AFF2: variants seen among roughly 807,000 people sequenced by gnomAD.
AFF2 encodes the protein AF4/FMR2 family member 2.
AFF2 carries 14 observed loss-of-function variants against 76.9 expected under a neutral mutation model. That is an observed-to-expected ratio of 0.18 (90% CI 0.12 to 0.28). The LOEUF is 0.28. AFF2 is among the 10% of genes least tolerant of loss of function. The pLI is 1.00. For synonymous variants in AFF2, 398 were observed against 366.7 expected (o/e 1.09, Z -0.98); for missense variants, 868 against 1,001.1 (o/e 0.87, Z 1.79).
chrX:148,905,616 T>C (rs944688810), intron 9 of AFF2, among the ~76,000 whole-genome samples: 2 of 112,370 alleles, frequency 1.8e-5, no homozygotes, highest in Non-Finnish European at 3.8e-5. Flanking sequence ...TCCGCCTGCA[T>C]GCAGATGTGT....
At position 148,790,685 on chromosome X, in the gene AFF2, T is replaced by C. The variant is rs781898044; in HGVS notation, c.1042-19191T>C. On this transcript the variant is annotated intron_variant, in intron 3 of 20. Coordinates refer to ENST00000370460, the MANE Select transcript of AFF2 (RefSeq NM_002025.4). ...GGGGAACAACACTCACTGGGGCCTGTTGGGGGTGGGGTTGGGGGAGGGAGA... is the reference window on the plus strand; with the variant it reads ...GGGGAACAACACTCACTGGGGCCTGCTGGGGGTGGGGTTGGGGGAGGGAGA... 5.9e-3 allele frequency among the ~76,000 whole-genome samples: 641 copies of C among 108,371 alleles called. 6 individuals carry two copies. The highest frequency in any genetic ancestry group is 0.021 in the African/African-American group (620 of 29,689). 94.1% of individuals were successfully genotyped at this position (108,371 alleles called of 115,157 possible).
At chrX:148,840,215 A>T (rs183724193) in intron 5 of AFF2, among the ~76,000 whole-genome samples, 23 of 111,251 alleles carry the variant, frequency 2.1e-4, no homozygotes, top group African/African-American at 7.2e-4. Flanking sequence ...AGGTTGGCAA[A>T]CTATGGCCCA....
chrX:148,535,098 A>G (rs1434832135), intron 1 of AFF2, among the ~76,000 whole-genome samples: 1 of 111,679 alleles, frequency 9.0e-6, no homozygotes, highest in Non-Finnish European at 1.9e-5. Context: ...GGAGGAAATC[A>G]TAGCACCTAA....
rs1472901744 is a variant in AFF2, at chrX:149,000,037, G to A, written c.*8705G>A. The A allele has an allele frequency of 8.9e-6, 1 of 111,758 alleles. No homozygotes were observed. The highest frequency in any genetic ancestry group is 1.9e-5 in the Non-Finnish European group (1 of 53,135). 9.2% of individuals were successfully genotyped at this position (111,758 alleles called of 1,213,427 possible). A position where few individuals can be genotyped will look rare whatever the true frequency, so the allele number is the denominator to read the frequency against. On this transcript the variant is annotated 3_prime_UTR_variant, in exon 21 of 21. Coordinates refer to ENST00000370460, the MANE Select transcript of AFF2 (RefSeq NM_002025.4). Reference sequence around the variant, plus strand: ...TGCTCCCTCCCAAGTAAGTAGAGGAGCAGAACCATCAGGAACAGCCTGCCT... The same window carrying A: ...TGCTCCCTCCCAAGTAAGTAGAGGAACAGAACCATCAGGAACAGCCTGCCT...
At chrX:148,608,355 A>G (rs1557249045) in intron 1 of AFF2, among the ~76,000 whole-genome samples, 1 of 111,479 alleles carries the variant, frequency 9.0e-6, no homozygotes, top group Non-Finnish European at 1.9e-5. Context: ...GAAATGGGAA[A>G]GATGTCATGA....
intron 9 of AFF2, among the ~76,000 whole-genome samples, chrX:148,928,019 GT>G (rs1557283994): frequency 9.0e-6 from 1 of 111,493 alleles, no homozygotes. Context: ...TTTTCGTAAG[GT>G]TCCCACTCTG....
chrX:148,568,789 G>T (rs1194450319), intron 1 of AFF2, among the ~76,000 whole-genome samples: 1 of 111,936 alleles, frequency 8.9e-6, no homozygotes, highest in Non-Finnish European at 1.9e-5. Flanking sequence ...ATCTTGCCTT[G>T]CAGTTGGCAG....
At chrX:148,624,765 G>C (rs942813867) in intron 1 of AFF2, among the ~76,000 whole-genome samples, 1 of 111,913 alleles carries the variant, frequency 8.9e-6, no homozygotes, top group Non-Finnish European at 1.9e-5. Context: ...TAAAATTTCT[G>C]TCACATGTCC....
chrX:148,854,187 T>A (rs1474405061), intron 7 of AFF2, among the ~76,000 whole-genome samples: 3 of 111,886 alleles, frequency 2.7e-5, no homozygotes, highest in African/African-American at 9.7e-5. Context: ...ACTGCTGCCA[T>A]GAACTTTGAA....
intron 3 of AFF2, among the ~76,000 whole-genome samples, chrX:148,664,579 G>C (rs141177844): frequency 0.014 from 1,560 of 111,577 alleles, 29 homozygotes; most frequent in African/African-American, 0.046. Context: ...GATTGGCACC[G>C]ACTCCATTGT....
At chrX:148,825,277 C>T (rs1557272886) in intron 4 of AFF2, among the ~76,000 whole-genome samples, 1 of 111,226 alleles carries the variant, frequency 9.0e-6, no homozygotes, top group Non-Finnish European at 1.9e-5. Flanking sequence ...GACATTGTCT[C>T]CAAAACTCAG....
In AFF2 at chrX:148,999,222, CGT is replaced by C. The variant is rs2072646024; in HGVS notation, c.*7897_*7898del. The C allele has an allele frequency of 9.0e-6, 1 of 111,079 alleles. No individual in the cohort carries two copies. Among genetic ancestry groups the C allele is most frequent in the Non-Finnish European group, 1.9e-5 (1 of 53,032 alleles). The allele number at this position is 111,079 out of a possible 1,213,427, so 9.2% of individuals were successfully genotyped here. ...GGGGTGTCTTCTGCCTGGTCTATAGCGTGTGTGTTTGCTTTGTATCTAACAGG... is the reference window on the plus strand; with the variant it reads ...GGGGTGTCTTCTGCCTGGTCTATAGCGTGTGTTTGCTTTGTATCTAACAGG... On this transcript the variant is annotated 3_prime_UTR_variant, in exon 21 of 21. Transcript: ENST00000370460.
intron 1 of AFF2, among the ~76,000 whole-genome samples, chrX:148,542,790 G>A (rs2052874533): frequency 8.9e-6 from 1 of 112,161 alleles, no homozygotes; most frequent in African/African-American, 3.2e-5. Context: ...GAGAAACTCG[G>A]TATGTATTGT....
intron 7 of AFF2, among the ~76,000 whole-genome samples, chrX:148,854,292 G>A (rs1296523505): frequency 9.0e-6 from 1 of 111,224 alleles, no homozygotes; most frequent in African/African-American, 3.3e-5. Context: ...TGGGGAGGAG[G>A]GACAAAAAGA....
intron 1 of AFF2, among the ~76,000 whole-genome samples, chrX:148,575,644 C>T (rs1057086603): frequency 4.5e-5 from 5 of 110,114 alleles, no homozygotes; most frequent in Non-Finnish European, 9.5e-5. Flanking sequence ...AGCAAGAATT[C>T]AAAATTAATG....
intron 1 of AFF2, among the ~76,000 whole-genome samples, chrX:148,523,031 G>A (rs2052618624): frequency 1.8e-5 from 2 of 112,049 alleles, no homozygotes. Context: ...TTCGACTCCA[G>A]TGACTAAAAC....
intron 5 of AFF2, among the ~76,000 whole-genome samples, chrX:148,839,898 T>TGC (rs2070576207): frequency 2.1e-5 from 2 of 95,005 alleles, no homozygotes; most frequent in Admixed American, 2.2e-4. Context: ...GGGCATGGTG[T>TGC]GTGTGTGTGT....
intron 3 of AFF2, among the ~76,000 whole-genome samples, chrX:148,729,622 G>A (rs115154910): frequency 0.016 from 1,833 of 111,755 alleles, 42 homozygotes; most frequent in African/African-American, 0.056. Context: ...ACAGGGAATA[G>A]ACAAGACTAG....
At chrX:148,581,926 C>A (rs2053419404) in intron 1 of AFF2, among the ~76,000 whole-genome samples, 1 of 111,845 alleles carries the variant, frequency 8.9e-6, no homozygotes, top group African/African-American at 3.2e-5. Context: ...AAAAGAAAAT[C>A]CAGGGTCACA....
Sources: allele counts gnomAD v4.1 joint callset (sites outside exome capture counted in the v4.1 genomes callset), GRCh38; gene constraint gnomAD v4.1.1; transcripts MANE v1.5; gene names NCBI Gene and HGNC (gene_info 2026-07-23, HGNC 2026-07-21).